The following ATG5 variants were observed in gnomAD, a reference collection of about 807,000 sequenced individuals.
The protein encoded by ATG5 is autophagy protein 5.
A neutral mutation model predicts 36.5 loss-of-function variants in ATG5; 14 were observed. That is an observed-to-expected ratio of 0.38 (90% confidence interval 0.25 to 0.60). The LOEUF is 0.60. ATG5 is among the 20% of genes least tolerant of loss of function. The probability of loss-of-function intolerance (pLI) is 0.60; values close to 1 mark genes in which losing one functional copy is unlikely to be tolerated. For synonymous variants in ATG5, 95 were observed against 101.5 expected, an observed-to-expected ratio of 0.94 and a Z score of 0.38; for missense variants, 195 against 326.7, an observed-to-expected ratio of 0.60 and a Z score of 3.11.
chr6:106,312,302 C>A (rs538154161), intron 2 of ATG5, among the ~76,000 whole-genome samples: 27 of 152,226 alleles, frequency 1.8e-4, no homozygotes, highest in Non-Finnish European at 2.8e-4. Context: ...AAGAGTAGTT[C>A]TTCTTGCCAA....
intron 6 of ATG5, among the ~76,000 whole-genome samples, chr6:106,220,380 A>T (rs1350046455): frequency 6.6e-6 from 1 of 152,116 alleles, no homozygotes; most frequent in East Asian, 1.9e-4. Context: ...ATCCCAAAAA[A>T]CCTTGAAAAT....
At chr6:106,322,214 CCAA>C (rs144432567) in intron 1 of ATG5, among the ~76,000 whole-genome samples, 3,229 of 152,202 alleles carry the variant, frequency 0.021, 106 homozygotes, top group African/African-American at 0.074. Flanking sequence ...TAGGTGCCCA[CCAA>C]CAACATCTGT....
chr6:106,279,838 A>T lies in ATG5; in HGVS notation c.316-15T>A. 6.8e-7 allele frequency: 1 copy of T among 1,460,374 alleles called. No individual in the cohort carries two copies. The highest frequency in any genetic ancestry group is 9.1e-7 in the Non-Finnish European group (1 of 1,093,152). 90.5% of individuals were successfully genotyped at this position (1,460,374 alleles called of 1,614,324 possible). On this transcript the variant is annotated splice_polypyrimidine_tract_variant and intron_variant, in intron 4 of 7. Coordinates refer to ENST00000369076, the MANE Select transcript of ATG5 (RefSeq NM_004849.4). ...TCTGGAAAACTCTATCAAAGGAAAA[A>T]ATATACATATAAAACAGGATACACA...
intron 1 of ATG5, 83 bp from the exon 2 acceptor site, chr6:106,316,349 T>C: frequency 4.2e-6 from 2 of 478,174 alleles, no homozygotes; most frequent in South Asian, 5.1e-5. Flanking sequence ...TTTTAAAAAA[T>C]CCATGCCATA....
At chr6:106,273,299 G>C (rs1041588150) in intron 5 of ATG5, among the ~76,000 whole-genome samples, 6 of 152,106 alleles carry the variant, frequency 3.9e-5, no homozygotes, top group African/African-American at 1.4e-4. Context: ...TCTTGTTTCT[G>C]TTTTAGTAGT....
chr6:106,211,422 T>C (rs747418850), intron 6 of ATG5, among the ~76,000 whole-genome samples: 3 of 151,970 alleles, frequency 2.0e-5, no homozygotes, highest in Non-Finnish European at 2.9e-5. Flanking sequence ...TAAAAAGAGA[T>C]TGGACAGGCC....
At chr6:106,285,810 T>A (rs1012183052) in intron 4 of ATG5, among the ~76,000 whole-genome samples, 3 of 152,244 alleles carry the variant, frequency 2.0e-5, no homozygotes, top group Non-Finnish European at 2.9e-5. Flanking sequence ...AATATTTTTT[T>A]AAATTTTTTT....
At chr6:106,246,411 C>G (rs932062850) in intron 6 of ATG5, among the ~76,000 whole-genome samples, 10 of 151,146 alleles carry the variant, frequency 6.6e-5, no homozygotes, top group African/African-American at 2.4e-4. Flanking sequence ...CACACACACA[C>G]ACACACACAC....
At chr6:106,222,265 T>C (rs554384586) in intron 6 of ATG5, among the ~76,000 whole-genome samples, 6 of 152,308 alleles carry the variant, frequency 3.9e-5, no homozygotes, top group African/African-American at 1.4e-4. Context: ...TCATTCACAA[T>C]CTATCTTTCA....
rs184049952 is a variant in ATG5, at chr6:106,226,910, G to A, written c.573+21240C>T. Among the ~76,000 whole-genome samples, 10 of 152,102 alleles carry A rather than the reference G, an allele frequency of 6.6e-5. No homozygotes were observed. In the East Asian group the frequency reaches 7.7e-4, roughly 12 times the overall value. On this transcript the variant is annotated intron_variant, in intron 6 of 7. Coordinates refer to ENST00000369076, the MANE Select transcript of ATG5 (RefSeq NM_004849.4). ...GCAAATCTAAAGATAGGTCAATTGCGAGAAAGAGAGGGAAGAAGGAAGGAA... is the reference window on the plus strand; with the variant it reads ...GCAAATCTAAAGATAGGTCAATTGCAAGAAAGAGAGGGAAGAAGGAAGGAA...
At chr6:106,208,983 C>A (rs539237488) in intron 6 of ATG5, among the ~76,000 whole-genome samples, 355 of 152,290 alleles carry the variant, frequency 2.3e-3, no homozygotes, top group African/African-American at 8.2e-3. Context: ...AATGTGATAT[C>A]ATTACACACC....
chr6:106,191,258 A>G (rs1775957397), intron 7 of ATG5, among the ~76,000 whole-genome samples: 1 of 152,172 alleles, frequency 6.6e-6, no homozygotes, highest in South Asian at 2.1e-4. Context: ...TTTTTCTACA[A>G]ACAAAATTTT....
chr6:106,313,900 A>G (rs1199224624), intron 2 of ATG5, among the ~76,000 whole-genome samples: 1 of 152,178 alleles, frequency 6.6e-6, no homozygotes, highest in East Asian at 1.9e-4. Flanking sequence ...TTAAATAGCA[A>G]AATTTGGATT....
chr6:106,310,403 T>C (rs1478869482), intron 2 of ATG5, among the ~76,000 whole-genome samples: 2 of 152,108 alleles, frequency 1.3e-5, no homozygotes, highest in African/African-American at 4.8e-5. Context: ...CTATAGTACA[T>C]ATAGATACAA....
intron 6 of ATG5, among the ~76,000 whole-genome samples, chr6:106,220,258 A>G (rs937415537): frequency 3.9e-5 from 6 of 152,200 alleles, no homozygotes; most frequent in Admixed American, 6.5e-5. Context: ...TCAATATGTA[A>G]TATCAATATA....
intron 3 of ATG5, among the ~76,000 whole-genome samples, chr6:106,293,928 C>T (rs1316800491): frequency 6.7e-6 from 1 of 150,174 alleles, no homozygotes; most frequent in African/African-American, 2.5e-5. Context: ...TATCCCATTT[C>T]CAAAATGCTT....
intron 6 of ATG5, among the ~76,000 whole-genome samples, chr6:106,229,484 G>GGAGAGAGACAGAGAGGAGAGT (rs1562224331): frequency 6.6e-6 from 1 of 151,856 alleles, no homozygotes; most frequent in Non-Finnish European, 1.5e-5. Context: ...GAGAGGAGAG[G>GGAGAGAGACAGAGAGGAGAGT]GAGAGAGACA....
chr6:106,195,418 G>A (rs1776135400), intron 7 of ATG5, among the ~76,000 whole-genome samples: 1 of 152,156 alleles, frequency 6.6e-6, no homozygotes, highest in South Asian at 2.1e-4. Flanking sequence ...TACTACAGGT[G>A]AACTGAACCA....
At chr6:106,200,109 G>T (rs1019453302) in intron 7 of ATG5, among the ~76,000 whole-genome samples, 1 of 152,236 alleles carries the variant, frequency 6.6e-6, no homozygotes, top group South Asian at 2.1e-4. Context: ...ATGTAGGAAT[G>T]CTAGTATAAG....
Sources: allele counts gnomAD v4.1 joint callset (sites outside exome capture counted in the v4.1 genomes callset), GRCh38; gene constraint gnomAD v4.1.1; transcripts MANE v1.5; gene names NCBI Gene and HGNC (gene_info 2026-07-23, HGNC 2026-07-21).